The following SYN3 variants were observed in gnomAD, a reference collection of about 807,000 sequenced individuals.
SYN3 encodes synapsin-3.
SYN3 carries 35 observed loss-of-function variants against 65.8 expected under a neutral mutation model. That is an observed-to-expected ratio of 0.53 (90% confidence interval 0.41 to 0.70). The LOEUF is 0.70. SYN3 is among the 30% of genes least tolerant of loss of function. SYN3 has a pLI of 0.00. For synonymous variants in SYN3, 270 were observed against 292.9 expected (o/e 0.92, Z 0.80); for missense variants, 680 against 749.0 (o/e 0.91, Z 1.08).
intron 13 of SYN3, among the ~76,000 whole-genome samples, chr22:32,516,736 C>T (rs2057784320): frequency 6.6e-6 from 1 of 152,202 alleles, no homozygotes; most frequent in African/African-American, 2.4e-5. Flanking sequence ...AGCATGATCC[C>T]TGGACTGGAT....
intron 12 of SYN3, among the ~76,000 whole-genome samples, chr22:32,522,354 C>G (rs1340979982): frequency 3.3e-5 from 5 of 152,142 alleles, no homozygotes; most frequent in African/African-American, 1.2e-4. Flanking sequence ...AAAATAATAT[C>G]TCTTTATCAA....
chr22:32,681,617 C>CT (rs1390453259), intron 6 of SYN3, among the ~76,000 whole-genome samples: 1 of 152,214 alleles, frequency 6.6e-6, no homozygotes, highest in East Asian at 1.9e-4. Context: ...TTTCTCCACC[C>CT]TATTTGGCTG....
chr22:32,737,722 C>T lies in SYN3; in HGVS notation c.711+127193G>A, dbSNP rs73156438. 4.8e-3 allele frequency among the ~76,000 whole-genome samples: 733 copies of T among 152,294 alleles called. 4 individuals carry two copies. Among genetic ancestry groups the T allele is most frequent in the East Asian group, 0.013 (65 of 5,178 alleles). On this transcript the variant is annotated intron_variant, in intron 6 of 13. Transcript: ENST00000358763. ...TCCACCTAAATAATGGTTTCAGAGA[C>T]GGTATTAACTACCATATCTCCCAGT... is the stretch of plus-strand genomic sequence containing the variant.
intron 6 of SYN3, among the ~76,000 whole-genome samples, chr22:32,749,245 A>AT (rs2045034416): frequency 6.6e-6 from 1 of 151,900 alleles, no homozygotes; most frequent in South Asian, 2.1e-4. Context: ...TTACAAAGGC[A>AT]TTAATCCCAT....
intron 3 of SYN3, among the ~76,000 whole-genome samples, chr22:32,945,075 A>G (rs970705988): frequency 3.3e-5 from 5 of 152,216 alleles, no homozygotes; most frequent in African/African-American, 1.2e-4. Flanking sequence ...TTCCATGCTC[A>G]TGGATAGGAA....
intron 7 of SYN3, among the ~76,000 whole-genome samples, chr22:32,579,996 C>G (rs1466353610): frequency 1.3e-5 from 2 of 152,238 alleles, no homozygotes; most frequent in Non-Finnish European, 2.9e-5. Flanking sequence ...CCTTGAAAGG[C>G]AACACTTTCT....
intron 7 of SYN3, among the ~76,000 whole-genome samples, chr22:32,586,266 A>G (rs1241511637): frequency 2.6e-5 from 4 of 152,110 alleles, no homozygotes; most frequent in Admixed American, 2.0e-4. Context: ...ATACTGACCC[A>G]TTGCTCCTAG....
intron 7 of SYN3, among the ~76,000 whole-genome samples, chr22:32,586,708 A>T (rs528418933): frequency 1.3e-4 from 20 of 152,104 alleles, no homozygotes; most frequent in Non-Finnish European, 2.2e-4. Context: ...TGGCCACAAA[A>T]CTGCTGCGAG....
At chr22:32,582,953 G>A (rs770650887) in intron 7 of SYN3, among the ~76,000 whole-genome samples, 7 of 152,150 alleles carry the variant, frequency 4.6e-5, no homozygotes, top group Admixed American at 6.5e-5. Flanking sequence ...GTGTCATGAC[G>A]TGAACAAGGC....
chr22:33,037,078 T>G (rs2053876603), intron 1 of SYN3, among the ~76,000 whole-genome samples: 1 of 152,228 alleles, frequency 6.6e-6, no homozygotes, highest in South Asian at 2.1e-4. Context: ...ATTAAGTATA[T>G]GCACCTCATA....
chr22:33,054,870 G>A (rs1243481902), intron 1 of SYN3, among the ~76,000 whole-genome samples: 1 of 152,160 alleles, frequency 6.6e-6, no homozygotes, highest in Non-Finnish European at 1.5e-5. Flanking sequence ...CATAAGGCTG[G>A]CCACCATCCT....
At chr22:32,730,559 G>A (rs963462130) in intron 6 of SYN3, among the ~76,000 whole-genome samples, 1 of 152,124 alleles carries the variant, frequency 6.6e-6, no homozygotes, top group Non-Finnish European at 1.5e-5. Flanking sequence ...GTTACTTAAG[G>A]TTCTCATCTC....
chr22:32,546,220 C>A (rs561348140), intron 7 of SYN3, among the ~76,000 whole-genome samples: 1 of 152,190 alleles, frequency 6.6e-6, no homozygotes, highest in Non-Finnish European at 1.5e-5. Flanking sequence ...TGAGGACAGA[C>A]GAGTGTTGTC....
intron 6 of SYN3, among the ~76,000 whole-genome samples, chr22:32,839,850 G>C (rs2047842658): frequency 2.0e-5 from 3 of 152,130 alleles, no homozygotes; most frequent in Admixed American, 2.0e-4. Flanking sequence ...TCCTAAGCCT[G>C]TGTTTCCTTG....
chr22:32,556,360 T>C (rs2058495462), intron 7 of SYN3, among the ~76,000 whole-genome samples: 1 of 152,176 alleles, frequency 6.6e-6, no homozygotes, highest in Non-Finnish European at 1.5e-5. Flanking sequence ...TCCCACGTGA[T>C]TTTCACATGG....
intron 6 of SYN3, among the ~76,000 whole-genome samples, chr22:32,632,769 T>C (rs2059763449): frequency 6.6e-6 from 1 of 152,190 alleles, no homozygotes; most frequent in African/African-American, 2.4e-5. Flanking sequence ...GGTAGAAGAA[T>C]TAACCCCAAA....
intron 1 of SYN3, among the ~76,000 whole-genome samples, chr22:33,052,927 C>A (rs573168409): frequency 1.4e-4 from 21 of 152,320 alleles, no homozygotes; most frequent in Middle Eastern, 3.4e-3. Flanking sequence ...AAATCAGAAC[C>A]TACAAAGGGA....
At chr22:32,711,393 A>C (rs1452092035) in intron 6 of SYN3, among the ~76,000 whole-genome samples, 1 of 152,232 alleles carries the variant, frequency 6.6e-6, no homozygotes, top group Non-Finnish European at 1.5e-5. Flanking sequence ...AATAGGTCTG[A>C]AAGGTCATTA....
intron 6 of SYN3, among the ~76,000 whole-genome samples, chr22:32,788,223 A>T (rs947206182): frequency 2.7e-5 from 4 of 150,408 alleles, no homozygotes; most frequent in African/African-American, 9.7e-5. Context: ...AACAATAAAA[A>T]ATAACAATAC....
Sources: allele counts gnomAD v4.1 joint callset (sites outside exome capture counted in the v4.1 genomes callset), GRCh38; gene constraint gnomAD v4.1.1; transcripts MANE v1.5; gene names NCBI Gene and HGNC (gene_info 2026-07-23, HGNC 2026-07-21).